Variants in C3 observed in about 807,000 individuals in gnomAD.
C3 encodes complement C3.
A neutral mutation model predicts 207.9 loss-of-function variants in C3; 97 were observed. The ratio of observed to expected loss-of-function variants is 0.47; its 90% confidence interval spans 0.40 to 0.55. The LOEUF is 0.55. Among genes scored for constraint, C3 ranks in the 20% least tolerant of loss-of-function variants. The pLI is 0.00. For missense variants in C3, 1,684 were observed against 2,171.7 expected, an observed-to-expected ratio of 0.78 and a Z score of 4.46; for synonymous variants, 848 against 857.6, an observed-to-expected ratio of 0.99 and a Z score of 0.20.
In C3 at chr19:6,719,309, C is replaced by G. The variant is rs1477487433; in HGVS notation, c.169G>C (p.Val57Leu). The change falls in exon 2 of 41, where the codon GTT (valine) becomes CTT (leucine). Residue 57 changes from valine to leucine, a missense_variant. This residue lies in a region of C3 where 1,280 missense variants were observed against 1,739.1 expected (regional missense o/e 0.74). Coordinates refer to ENST00000245907, the MANE Select transcript of C3 (RefSeq NM_000064.4). The surrounding 1 kb of genome is among the most constrained non-coding windows in gnomAD (Gnocchi z 5.4). Reference protein sequence around the residue: ...HDAQGDVPVTVTVHDFPGKKL... With the variant: ...HDAQGDVPVTLTVHDFPGKKL... The stretch of plus-strand genomic sequence containing the variant: ...TTGCCTGGGAAGTCGTGGACAGTAA[C>G]AGTGACTGGAACATCCCCTTGCGCG... The G allele has an allele frequency of 6.2e-7, 1 of 1,614,050 alleles. No individual in the cohort carries two copies. The highest frequency in any genetic ancestry group is 1.1e-5 in the South Asian group (1 of 91,088).
intron 1 of C3, among the ~76,000 whole-genome samples, chr19:6,720,257 C>G (rs1968134792): frequency 6.6e-6 from 1 of 152,018 alleles, no homozygotes; most frequent in Non-Finnish European, 1.5e-5. Context: ...CCACAAACAC[C>G]CAACCACAAA....
chr19:6,685,222 G>T, intron 29 of C3, 76 bp from the exon 30 acceptor site: 2 of 1,352,836 alleles, frequency 1.5e-6, no homozygotes, highest in Non-Finnish European at 2.1e-6. Context: ...GGATAAAGAG[G>T]TTCAAATCAG....
intron 21 of C3, among the ~76,000 whole-genome samples, chr19:6,697,076 A>AAAAAT (rs1967554941): frequency 8.9e-6 from 1 of 112,592 alleles, no homozygotes; most frequent in Non-Finnish European, 2.0e-5. Context: ...AAATAAATAA[A>AAAAAT]AAATTTCAAA....
At chr19:6,713,539 C>T (rs778616629) in intron 7 of C3, 30 bp from the exon 8 acceptor site, 1 of 1,525,604 alleles carries the variant, frequency 6.6e-7, no homozygotes, top group South Asian at 1.1e-5. Context: ...GGCTTCAGGT[C>T]CATCCCTCCT....
chr19:6,711,007 T>A lies in C3; in HGVS notation c.1459A>T (p.Ile487Phe). 1.2e-6 allele frequency: 2 copies of A among 1,614,034 alleles called. No homozygotes were observed. The highest frequency in any genetic ancestry group is 1.7e-6 in the Non-Finnish European group (2 of 1,179,992). Residue 487 changes from isoleucine to phenylalanine, a missense_variant, in exon 12 of 41, where the codon ATC becomes TTC. Physicochemically the swap from Ile to Phe is conservative, Grantham distance 21. Coordinates refer to ENST00000245907, the MANE Select transcript of C3 (RefSeq NM_000064.4). ...LRMDRAHEAKIRYYTYLIMNK... is the reference protein window; with the variant it reads ...LRMDRAHEAKFRYYTYLIMNK... ...CGGACCAGGTAGGTGTAGTAGCGGA[T>A]CTTGGCCTCGTGGGCGCGGTCCATT...
chr19:6,680,379 T>G, intron 35 of C3, 116 bp from the exon 36 acceptor site: 1 of 716,264 alleles, frequency 1.4e-6, no homozygotes, highest in South Asian at 1.4e-5. Flanking sequence ...GTGGCAAAGA[T>G]GAATGAGCAA....
intron 19 of C3, among the ~76,000 whole-genome samples, chr19:6,700,995 T>C (rs1967662618): frequency 6.6e-6 from 1 of 151,822 alleles, no homozygotes. Context: ...CTTTTGACAC[T>C]GTTAGAGTAG....
Position 6,677,741 on chromosome 19 carries a change from G to C in C3, c.*141C>G. The C allele has an allele frequency of 9.4e-7, 1 of 1,058,304 alleles. No homozygotes were observed. Among genetic ancestry groups the C allele is most frequent in the South Asian group, 1.4e-5 (1 of 70,214 alleles). 65.6% of individuals were successfully genotyped at this position (1,058,304 alleles called of 1,614,324 possible). A position where few individuals can be genotyped will look rare whatever the true frequency, so the allele number is the denominator to read the frequency against. On this transcript the variant is annotated 3_prime_UTR_variant, in exon 41 of 41. Transcript: ENST00000245907. ...CGAACGCCAGGAGAAAATGCGGTGG[G>C]AACAGGTGAGGTTTCAAGTAGGATG...
chr19:6,694,525 G>A lies in C3; in HGVS notation c.3060C>T (p.Pro1020=), dbSNP rs1489191608. Residue 1020 remains proline (P), a synonymous_variant, in exon 24 of 41, where the codon CCC becomes CCT. Coordinates refer to ENST00000245907, the MANE Select transcript of C3 (RefSeq NM_000064.4). Reference sequence around the variant, plus strand: ...CCAGGTAATGCACAGCGATGACCGTGGGCGTCATGCCGATCATGTTCTGTT... The same window carrying A: ...CCAGGTAATGCACAGCGATGACCGTAGGCGTCATGCCGATCATGTTCTGTT... ...CGEQNMIGMT[P]TVIAVHYLDE... 3 of 1,614,148 alleles carry A rather than the reference G, an allele frequency of 1.9e-6. No homozygotes were observed. Among genetic ancestry groups the A allele is most frequent in the Admixed American group, 3.3e-5 (2 of 60,022 alleles).
In C3 at chr19:6,690,692, G is replaced by A. The variant is rs749973019; in HGVS notation, c.3426C>T (p.Ala1142=). ...GCGAGATGAGAACAAAGGCCGTGAG[G>A]GCCATGTCTTTCTCGTTGTTGTTCC... ...GLRNNNEKDM[A]LTAFVLISLQ... is the part of the protein sequence containing the mutation. Residue 1142 remains alanine, a synonymous_variant, in exon 27 of 41, where the codon GCC becomes GCT. Transcript: ENST00000245907. 1.6e-5 allele frequency: 26 copies of A among 1,614,054 alleles called. No homozygotes were observed. The highest frequency in any genetic ancestry group is 1.6e-4 in the Middle Eastern group (1 of 6,084).
chr19:6,703,880 G>A (rs919573619), intron 17 of C3, among the ~76,000 whole-genome samples: 15 of 151,940 alleles, frequency 9.9e-5, no homozygotes, highest in African/African-American at 3.6e-4. Flanking sequence ...TCCAGGAGGC[G>A]GAGGTTACAG....
Position 6,702,471 on chromosome 19 carries a change from C to T in C3, c.2354G>A (p.Gly785Glu), listed in dbSNP as rs1266538693. ...VEDLKEPPKN[G>E]ISTKLMNIFL... ...TGTACCGGGGGTACCCCGGCCTTAC[C>T]CATTTTTCGGTGGCTCTTTCAAGTC... Residue 785 changes from glycine to glutamate, a missense_variant and splice_region_variant, in exon 18 of 41, where the codon GGA (glycine) becomes GAA (glutamate). By Grantham distance (98) the Gly-to-Glu change is moderately conservative. Around this residue, in one of 3 missense-constraint regions of C3, gnomAD observed 1,280 missense variants for 1,739.1 expected, o/e 0.74. Coordinates refer to ENST00000245907, the MANE Select transcript of C3 (RefSeq NM_000064.4). 1 of 1,606,390 alleles carries T rather than the reference C, an allele frequency of 6.2e-7. No individual in the cohort carries two copies. Among genetic ancestry groups the T allele is most frequent in the Admixed American group, 1.7e-5 (1 of 60,010 alleles).
intron 19 of C3, among the ~76,000 whole-genome samples, chr19:6,699,686 G>T: frequency 6.6e-6 from 1 of 151,804 alleles, no homozygotes; most frequent in Non-Finnish European, 1.5e-5. Context: ...TCCTAAATGA[G>T]ATGCACTGAA....
rs1285176336 is a variant in C3 at position 6,709,783 on chromosome 19, G to T, written c.1746C>A (p.Thr582=). The change falls in exon 14 of 41, where the codon ACC becomes ACA. Residue 582 remains threonine (T), a synonymous_variant. Coordinates refer to ENST00000245907, the MANE Select transcript of C3 (RefSeq NM_000064.4). The part of the protein sequence containing the change: ...DRQPVPGQQM[T]LKIEGDHGAR... The stretch of plus-strand genomic sequence containing the variant: ...CCCCGTGGTCACCCTCTATCTTCAG[G>T]GTCATCTGCTGCCCAGGTACAGGCT... 2.5e-6 allele frequency: 4 copies of T among 1,613,832 alleles called. No homozygotes were observed. The African/African-American group carries it at 5.3e-5, about 22-fold the overall frequency.
At position 6,696,445 on chromosome 19, in the gene C3, T is replaced by G. The variant is rs768541725; in HGVS notation, c.2884A>C (p.Ile962Leu). Residue 962 changes from isoleucine (I) to leucine (L), a missense_variant, in exon 23 of 41, where the codon ATC becomes CTC. By Grantham distance (5) the Ile-to-Leu change is conservative. This residue lies in a region of C3 where 1,280 missense variants were observed against 1,739.1 expected (regional missense o/e 0.74). Transcript: ENST00000245907. ...TGGTCACTGAGGTCTGCAGGTGGGATGTCCTCTTTCTGCACTCCTTCTGCA... is the reference window on the plus strand; with the variant it reads ...TGGTCACTGAGGTCTGCAGGTGGGAGGTCCTCTTTCTGCACTCCTTCTGCA... ...LGREGVQKED[I>L]PPADLSDQVP... 6.2e-7 allele frequency: 1 copy of G among 1,613,678 alleles called. No individual in the cohort carries two copies. The highest frequency in any genetic ancestry group is 8.5e-7 in the Non-Finnish European group (1 of 1,179,688).
intron 40 of C3, 51 bp from the exon 41 acceptor site, chr19:6,678,074 A>G (rs893904061): frequency 2.5e-6 from 4 of 1,613,850 alleles, no homozygotes; most frequent in Non-Finnish European, 3.4e-6. Flanking sequence ...GGCGTGGCGC[A>G]GGGGCGTGAC....
At chr19:6,680,038 C>T (rs188200940) in intron 36 of C3, 120 bp downstream of exon 36, 31 of 735,488 alleles carry the variant, frequency 4.2e-5, no homozygotes, top group African/African-American at 1.4e-4. Context: ...CTTCATACTA[C>T]GAATGCTCAA....
intron 4 of C3, chr19:6,717,714 GTTGTGTA>G: frequency 2.3e-5 from 9 of 393,890 alleles, no homozygotes; most frequent in South Asian, 2.0e-4. Flanking sequence ...GGTTGTGTAT[GTTGTGTA>G]TTGTGTTGTG....
At position 6,700,283 on chromosome 19, in the gene C3, TATTA is replaced by T. The variant is rs1315908872; in HGVS notation, c.2440+1840_2440+1843del. 1.3e-4 allele frequency among the ~76,000 whole-genome samples: 2 copies of T among 15,722 alleles called. 1 individual carries two copies. The highest frequency in any genetic ancestry group is 2.1e-4 in the Non-Finnish European group (2 of 9,564). The allele number at this position is 15,722 out of a possible 152,430, so 10.3% of individuals were successfully genotyped here. On this transcript the variant is annotated intron_variant, in intron 19 of 40. Coordinates refer to ENST00000245907, the MANE Select transcript of C3 (RefSeq NM_000064.4). The stretch of plus-strand genomic sequence containing the variant: ...TATATGTAATATGCAACATATAACA[TATTA>T]TATATGTGATATGCAATATATATTA...
Sources: gnomAD v4.1 joint callset for allele counts (sites outside exome capture counted in the v4.1 genomes callset) on GRCh38, gnomAD v4.1.1 for gene constraint, gnomAD v4.1.1 regional missense constraint, Gnocchi (gnomAD v3.1) non-coding constraint, MANE v1.5 for transcripts, NCBI Gene and HGNC (gene_info 2026-07-23, HGNC 2026-07-21) for gene names.